The following PICALM variants were observed in gnomAD, a reference collection of about 807,000 sequenced individuals.
PICALM encodes phosphatidylinositol binding clathrin assembly protein.
In PICALM, 40 loss-of-function variants were observed where a neutral mutation model predicts 80.5. The ratio of observed to expected loss-of-function variants is 0.50; its 90% CI spans 0.39 to 0.65. The LOEUF (loss-of-function observed/expected upper bound fraction) is 0.65, where lower values mean the gene tolerates loss of function less well. Among genes scored for constraint, PICALM ranks in the 30% least tolerant of loss-of-function variants. PICALM has a pLI of 0.00. For missense variants in PICALM, 676 were observed against 778.9 expected (o/e 0.87, Z 1.57); for synonymous variants, 288 against 260.3 (o/e 1.11, Z -1.02).
intron 16 of PICALM, 137 bp downstream of exon 16, chr11:85,981,606 CAA>C (rs1178283265): frequency 0.04 from 20,123 of 508,778 alleles, no homozygotes; most frequent in South Asian, 0.046. Context: ...GACTCCGTGT[CAA>C]AAAAAAAAAA....
chr11:86,049,287 AC>A (rs1310572210), intron 1 of PICALM, among the ~76,000 whole-genome samples: 2 of 152,044 alleles, frequency 1.3e-5, no homozygotes, highest in Non-Finnish European at 2.9e-5. Context: ...TCTCAAAAAA[AC>A]AAACAAAAAA....
At chr11:85,988,656 C>T (rs1055963572) in intron 13 of PICALM, among the ~76,000 whole-genome samples, 1 of 148,498 alleles carries the variant, frequency 6.7e-6, no homozygotes, top group African/African-American at 2.5e-5. Flanking sequence ...TAGGGAGGCA[C>T]GTGAGGAAGA....
intron 19 of PICALM, among the ~76,000 whole-genome samples, chr11:85,968,941 T>G: frequency 7.6e-6 from 1 of 132,104 alleles, no homozygotes; most frequent in Non-Finnish European, 1.6e-5. Context: ...TACAGAAAAA[T>G]GACTCAACAC....
intron 14 of PICALM, chr11:85,982,271 T>C: frequency 3.4e-6 from 1 of 297,874 alleles, no homozygotes; most frequent in Non-Finnish European, 6.4e-6. Context: ...AGAGAAGTAT[T>C]ATAAAAGAGA....
chr11:85,995,049 T>C (rs1459815340), intron 12 of PICALM, among the ~76,000 whole-genome samples: 4 of 152,190 alleles, frequency 2.6e-5, no homozygotes, highest in African/African-American at 9.7e-5. Context: ...GTTAGTTTAG[T>C]CTAACTTTAA....
intron 1 of PICALM, among the ~76,000 whole-genome samples, chr11:86,064,682 G>A (rs754987448): frequency 4.0e-4 from 58 of 146,428 alleles, no homozygotes; most frequent in Non-Finnish European, 7.5e-4. Context: ...AGACATTACA[G>A]CCATTAGTAT....
At chr11:86,036,792 A>T (rs1031627530) in intron 1 of PICALM, among the ~76,000 whole-genome samples, 2 of 152,026 alleles carry the variant, frequency 1.3e-5, no homozygotes, top group African/African-American at 4.8e-5. Context: ...ACACAGTACA[A>T]TTCCATTTTT....
intron 1 of PICALM, among the ~76,000 whole-genome samples, chr11:86,063,112 T>C (rs1048304539): frequency 2.6e-5 from 4 of 152,240 alleles, no homozygotes; most frequent in African/African-American, 9.6e-5. Flanking sequence ...TCACATTAAC[T>C]ATTCTAAATG....
At chr11:86,049,340 T>C (rs1453556099) in intron 1 of PICALM, among the ~76,000 whole-genome samples, 1 of 152,128 alleles carries the variant, frequency 6.6e-6, no homozygotes. Flanking sequence ...TACCAAAAGA[T>C]CAAATGCAAC....
chr11:86,068,564 G>T (rs2096480927), intron 1 of PICALM, 87 bp downstream of exon 1: 3 of 1,291,090 alleles, frequency 2.3e-6, no homozygotes, highest in Admixed American at 4.7e-5. Flanking sequence ...AGAGGCAGTA[G>T]AAGGGTGAAA....
intron 1 of PICALM, among the ~76,000 whole-genome samples, chr11:86,054,525 A>G (rs1259331669): frequency 6.6e-6 from 1 of 152,098 alleles, no homozygotes. Flanking sequence ...TCCCACAAAC[A>G]CACCATAAAG....
chr11:85,983,309 A>G (rs181422728), intron 14 of PICALM, among the ~76,000 whole-genome samples: 84 of 152,332 alleles, frequency 5.5e-4, no homozygotes, highest in African/African-American at 1.9e-3. Context: ...ACAAAGTGGA[A>G]ACCTGGTTCT....
intron 14 of PICALM, among the ~76,000 whole-genome samples, chr11:85,982,342 C>T (rs2094463639): frequency 6.7e-6 from 1 of 150,008 alleles, no homozygotes; most frequent in Non-Finnish European, 1.5e-5. Context: ...TCACTTATAT[C>T]TAAAGCAATA....
At chr11:86,035,966 G>GA (rs1302550035) in intron 1 of PICALM, among the ~76,000 whole-genome samples, 13 of 122,706 alleles carry the variant, frequency 1.1e-4, no homozygotes, top group African/African-American at 2.6e-4. Context: ...AAAAAAAAAA[G>GA]AAAAAAAAAG....
intron 8 of PICALM, among the ~76,000 whole-genome samples, chr11:86,005,539 A>G (rs996499224): frequency 2.6e-5 from 4 of 152,084 alleles, no homozygotes; most frequent in African/African-American, 4.8e-5. Context: ...CCCTGTCTCC[A>G]CAAAAAAATA....
chr11:85,970,409 C>A (rs1379008184), intron 19 of PICALM, among the ~76,000 whole-genome samples: 1 of 152,196 alleles, frequency 6.6e-6, no homozygotes, highest in East Asian at 1.9e-4. Flanking sequence ...AATCGAAGAA[C>A]TTGAATATTC....
intron 19 of PICALM, among the ~76,000 whole-genome samples, chr11:85,968,447 T>C (rs2093982480): frequency 6.6e-6 from 1 of 152,100 alleles, no homozygotes; most frequent in Non-Finnish European, 1.5e-5. Flanking sequence ...TATAAGGAAA[T>C]AAGATGACAA....
chr11:86,000,222 G>C (rs1472147775), intron 11 of PICALM, among the ~76,000 whole-genome samples: 1 of 152,166 alleles, frequency 6.6e-6, no homozygotes, highest in East Asian at 1.9e-4. Context: ...CTGTGTTCCA[G>C]ATTACAGAGT....
At chr11:86,047,916 A>T (rs947416716) in intron 1 of PICALM, among the ~76,000 whole-genome samples, 1 of 152,094 alleles carries the variant, frequency 6.6e-6, no homozygotes, top group Non-Finnish European at 1.5e-5. Flanking sequence ...CCTGGCCAAC[A>T]TGGTGAAACC....
Sources: gnomAD v4.1 joint callset for allele counts (sites outside exome capture counted in the v4.1 genomes callset) on GRCh38, gnomAD v4.1.1 for gene constraint, MANE v1.5 for transcripts, NCBI Gene and HGNC (gene_info 2026-07-23, HGNC 2026-07-21) for gene names.